KDM4C: variants seen among roughly 807,000 people sequenced by gnomAD.
KDM4C encodes the protein lysine demethylase 4C.
Under a neutral mutation model 129.3 loss-of-function variants are expected in KDM4C, and 81 were observed. That is an observed-to-expected ratio of 0.63 (90% CI 0.52 to 0.75). KDM4C has a LOEUF of 0.75. Among genes scored for constraint, KDM4C ranks in the 30% least tolerant of loss-of-function variants. The pLI is 0.00. For missense variants in KDM4C, 1,457 were observed against 1,304.0 expected (o/e 1.12, Z -1.81); for synonymous variants, 573 against 456.1 (o/e 1.26, Z -3.26).
At chr9:6,773,547 A>G (rs1822345004) in intron 1 of KDM4C, among the ~76,000 whole-genome samples, 1 of 152,068 alleles carries the variant, frequency 6.6e-6, no homozygotes, top group Non-Finnish European at 1.5e-5. Context: ...TGAGACGGGC[A>G]GATCACTTAG....
intron 1 of KDM4C, among the ~76,000 whole-genome samples, chr9:6,767,652 G>A (rs1245253571): frequency 2.0e-5 from 3 of 152,030 alleles, no homozygotes; most frequent in East Asian, 1.9e-4. Context: ...GTAGAGATGG[G>A]GTTTTGCCAT....
chr9:7,041,687 C>G (rs190768339), intron 15 of KDM4C, among the ~76,000 whole-genome samples: 1 of 151,928 alleles, frequency 6.6e-6, no homozygotes, highest in Non-Finnish European at 1.5e-5. Flanking sequence ...TGAAGTCAAT[C>G]TGATTTATAT....
intron 4 of KDM4C, among the ~76,000 whole-genome samples, chr9:6,840,616 C>G (rs1378897166): frequency 5.3e-5 from 8 of 152,214 alleles, no homozygotes; most frequent in African/African-American, 1.9e-4. Context: ...AGGCTGGTCT[C>G]AAACTTCTGA....
At chr9:6,860,254 G>A (rs1840680544) in intron 5 of KDM4C, among the ~76,000 whole-genome samples, 1 of 152,140 alleles carries the variant, frequency 6.6e-6, no homozygotes, top group Admixed American at 6.5e-5. Flanking sequence ...CCGTTTGTTT[G>A]CCACCTAAGG....
At chr9:6,906,924 G>C (rs777209386) in intron 8 of KDM4C, among the ~76,000 whole-genome samples, 1 of 152,212 alleles carries the variant, frequency 6.6e-6, no homozygotes, top group South Asian at 2.1e-4. Flanking sequence ...GGGTGACGTA[G>C]ATAGGTATTT....
At chr9:7,110,527 G>A (rs544802429) in intron 18 of KDM4C, among the ~76,000 whole-genome samples, 1 of 152,142 alleles carries the variant, frequency 6.6e-6, no homozygotes, top group Non-Finnish European at 1.5e-5. Flanking sequence ...CTCTTCCTAG[G>A]TTTGTATGGT....
intron 1 of KDM4C, among the ~76,000 whole-genome samples, chr9:6,745,123 A>G (rs891578063): frequency 2.0e-5 from 3 of 152,142 alleles, no homozygotes; most frequent in East Asian, 3.9e-4. Context: ...AAACATCCCA[A>G]GGAAGGAGAG....
chr9:6,970,345 A>G (rs1831745009), intron 8 of KDM4C, among the ~76,000 whole-genome samples: 1 of 152,242 alleles, frequency 6.6e-6, no homozygotes, highest in East Asian at 1.9e-4. Context: ...TTACTTACTT[A>G]TGAACCTTGG....
At chr9:6,767,403 A>G (rs1464091675) in intron 1 of KDM4C, among the ~76,000 whole-genome samples, 1 of 150,722 alleles carries the variant, frequency 6.6e-6, no homozygotes, top group East Asian at 2.0e-4. Context: ...AGCCTCCCAA[A>G]GTGTTGGGAT....
chr9:6,797,375 T>C (rs1256391363), intron 2 of KDM4C, among the ~76,000 whole-genome samples: 3 of 152,234 alleles, frequency 2.0e-5, no homozygotes, highest in South Asian at 2.1e-4. Context: ...GTAGTGACTT[T>C]AGCTTCAGAT....
chr9:6,732,776 G>T (rs1391864455), intron 1 of KDM4C, among the ~76,000 whole-genome samples: 2 of 151,914 alleles, frequency 1.3e-5, no homozygotes, highest in Admixed American at 1.3e-4. Context: ...ACTTTGGGAG[G>T]CCGAGATGGG....
At chr9:6,874,653 C>T (rs569494907) in intron 5 of KDM4C, among the ~76,000 whole-genome samples, 5 of 152,232 alleles carry the variant, frequency 3.3e-5, no homozygotes, top group South Asian at 4.1e-4. Flanking sequence ...TGTGGAATTT[C>T]GGAGCCCCAA....
At chr9:7,070,072 A>G (rs1344836807) in intron 17 of KDM4C, among the ~76,000 whole-genome samples, 1 of 152,242 alleles carries the variant, frequency 6.6e-6, no homozygotes, top group Non-Finnish European at 1.5e-5. Flanking sequence ...GGGAACAACA[A>G]ACAGACTGAC....
chr9:7,140,290 G>C (rs942044754), intron 19 of KDM4C, among the ~76,000 whole-genome samples: 1 of 152,178 alleles, frequency 6.6e-6, no homozygotes, highest in Admixed American at 6.5e-5. Flanking sequence ...ACTATGTACT[G>C]TAACAACTAG....
At chr9:6,866,791 C>G (rs986882659) in intron 5 of KDM4C, among the ~76,000 whole-genome samples, 1 of 151,552 alleles carries the variant, frequency 6.6e-6, no homozygotes, top group East Asian at 1.9e-4. Context: ...ATAGAAGTCT[C>G]TTATTCTCTT....
At chr9:6,783,996 T>C (rs562755196) in intron 1 of KDM4C, among the ~76,000 whole-genome samples, 6 of 152,102 alleles carry the variant, frequency 3.9e-5, no homozygotes, top group Non-Finnish European at 8.8e-5. Flanking sequence ...GAAAGTTATA[T>C]GGGAGAAATT....
intron 7 of KDM4C, among the ~76,000 whole-genome samples, chr9:6,889,694 G>A (rs1483081950): frequency 6.6e-6 from 1 of 152,226 alleles, no homozygotes; most frequent in African/African-American, 2.4e-5. Flanking sequence ...CTGTTACAAG[G>A]TAGACGTGAA....
intron 19 of KDM4C, among the ~76,000 whole-genome samples, chr9:7,161,626 A>G (rs1176196597): frequency 6.6e-6 from 1 of 152,188 alleles, no homozygotes; most frequent in Non-Finnish European, 1.5e-5. Flanking sequence ...GTTTAGTGTG[A>G]CAGGCCTCAC....
intron 1 of KDM4C, among the ~76,000 whole-genome samples, chr9:6,747,296 C>T (rs968629985): frequency 6.6e-6 from 1 of 151,830 alleles, no homozygotes; most frequent in Non-Finnish European, 1.5e-5. Context: ...GCCTGTAATC[C>T]CAGCACTTTG....
Sources: gnomAD v4.1 joint callset for allele counts (sites outside exome capture counted in the v4.1 genomes callset) on GRCh38, gnomAD v4.1.1 for gene constraint, MANE v1.5 for transcripts, NCBI Gene and HGNC (gene_info 2026-07-23, HGNC 2026-07-21) for gene names.